The following RIMBP2 variants were observed in gnomAD, a reference collection of about 807,000 sequenced individuals.
RIMBP2 encodes RIMS binding protein 2, also known as RIMS-binding protein 2.
RIMBP2 carries 48 observed loss-of-function variants against 118.6 expected under a neutral mutation model. That is an observed-to-expected ratio of 0.40 (90% CI 0.32 to 0.51). The LOEUF (loss-of-function observed/expected upper bound fraction) is 0.51. RIMBP2 is among the 20% of genes least tolerant of loss of function. The probability of loss-of-function intolerance (pLI) is 0.41; values close to 1 mark genes in which losing one functional copy is unlikely to be tolerated. For synonymous variants in RIMBP2, 762 were observed against 742.9 expected (o/e 1.03, Z -0.42); for missense variants, 1,551 against 1,768.3 (o/e 0.88, Z 2.20).
At chr12:130,531,336 C>T (rs1593672773) in intron 2 of RIMBP2, among the ~76,000 whole-genome samples, 1 of 152,310 alleles carries the variant, frequency 6.6e-6, no homozygotes, top group Non-Finnish European at 1.5e-5. Context: ...CTGCCTCCTC[C>T]CAGCTGAGAG....
intron 2 of RIMBP2, among the ~76,000 whole-genome samples, chr12:130,612,110 C>T (rs1235134429): frequency 6.6e-6 from 1 of 152,072 alleles, no homozygotes; most frequent in African/African-American, 2.4e-5. Flanking sequence ...AGACATCACA[C>T]AGCACAGCTC....
At chr12:130,458,870 C>T (rs958064228) in intron 6 of RIMBP2, among the ~76,000 whole-genome samples, 9 of 152,076 alleles carry the variant, frequency 5.9e-5, no homozygotes, top group Admixed American at 1.3e-4. Flanking sequence ...CATGGTGAAA[C>T]TCAGTCTCTA....
At chr12:130,669,872 T>G (rs2064121767) in intron 1 of RIMBP2, among the ~76,000 whole-genome samples, 1 of 152,192 alleles carries the variant, frequency 6.6e-6, no homozygotes. Flanking sequence ...CAAGTGTCCG[T>G]ACTTGGGATC....
rs576680876 is a variant in RIMBP2 at position 130,503,372 on chromosome 12, G to C, written c.-4+3276C>G. Among the ~76,000 whole-genome samples, 128 of 151,560 alleles carry C rather than the reference G, an allele frequency of 8.4e-4. No individual in the cohort carries two copies. The South Asian group carries it at 0.011, about 14-fold the overall frequency. ...GATCATGCCACTCCACTCCAGCCTG[G>C]GTGACAGAGTAAGACTCCATCTAAA... is the stretch of plus-strand genomic sequence containing the variant. On this transcript the variant is annotated intron_variant, in intron 4 of 22. Transcript: ENST00000690449.
Position 130,675,136 on chromosome 12 carries a change from C to T in RIMBP2, c.-352+41086G>A, listed in dbSNP as rs142142950. Among the ~76,000 whole-genome samples the T allele has an allele frequency of 4.5e-4, 69 of 152,310 alleles. 1 individual carries two copies. The highest frequency in any genetic ancestry group is 1.5e-3 in the African/African-American group (61 of 41,572). On this transcript the variant is annotated intron_variant, in intron 1 of 22. Coordinates refer to ENST00000690449, the MANE Select transcript of RIMBP2 (RefSeq NM_001393629.1). ...GCCGGGACTAGGACCCCAGTTGTCCCGAAGGACCTGTTGGCCGCCAGATAG... is the reference window on the plus strand; with the variant it reads ...GCCGGGACTAGGACCCCAGTTGTCCTGAAGGACCTGTTGGCCGCCAGATAG...
chr12:130,685,367 T>C (rs950524286), intron 1 of RIMBP2, among the ~76,000 whole-genome samples: 3 of 152,056 alleles, frequency 2.0e-5, no homozygotes, highest in African/African-American at 7.2e-5. Context: ...AAATAAATAA[T>C]AAAATTGAAA....
intron 3 of RIMBP2, among the ~76,000 whole-genome samples, chr12:130,516,350 C>T (rs2051458778): frequency 6.6e-6 from 1 of 152,224 alleles, no homozygotes; most frequent in South Asian, 2.1e-4. Flanking sequence ...GTTGACTGAG[C>T]ACCCGCTATG....
chr12:130,713,173 AGAAG>A (rs1197744112), intron 1 of RIMBP2, among the ~76,000 whole-genome samples: 2 of 111,900 alleles, frequency 1.8e-5, no homozygotes, highest in East Asian at 3.1e-4. Context: ...GAGTGAGAGA[AGAAG>A]GAAGGAAGGA....
rs758014031 is a variant in RIMBP2 at position 130,648,805 on chromosome 12, C to T, written c.-351-20349G>A. On this transcript the variant is annotated intron_variant, in intron 1 of 22. Coordinates refer to ENST00000690449, the MANE Select transcript of RIMBP2 (RefSeq NM_001393629.1). Reference sequence around the variant, plus strand: ...CCGAGTAGCTGGGATTACAGGCCTGCACCACCACGCCCAGCTAATTTTGTA... The same window carrying T: ...CCGAGTAGCTGGGATTACAGGCCTGTACCACCACGCCCAGCTAATTTTGTA... Among the ~76,000 whole-genome samples, 13 of 144,844 alleles carry T rather than the reference C, an allele frequency of 9.0e-5. 1 individual carries two copies. Among genetic ancestry groups the T allele is most frequent in the Non-Finnish European group, 1.6e-4 (10 of 64,018 alleles).
intron 17 of RIMBP2, among the ~76,000 whole-genome samples, chr12:130,417,702 C>T (rs1041976084): frequency 6.6e-6 from 1 of 152,236 alleles, no homozygotes; most frequent in Non-Finnish European, 1.5e-5. Flanking sequence ...AACAGACCTG[C>T]ACATGTACCC....
chr12:130,510,163 G>T (rs577682109), intron 3 of RIMBP2, among the ~76,000 whole-genome samples: 1 of 152,192 alleles, frequency 6.6e-6, no homozygotes, highest in Non-Finnish European at 1.5e-5. Flanking sequence ...GCACCGGAAC[G>T]CATTCTCCCA....
At chr12:130,577,805 A>G (rs2058192202) in intron 2 of RIMBP2, among the ~76,000 whole-genome samples, 1 of 152,170 alleles carries the variant, frequency 6.6e-6, no homozygotes, top group Admixed American at 6.6e-5. Flanking sequence ...TTTGAAATTC[A>G]ATCCCTCCCC....
chr12:130,463,347 G>A (rs2080174755), intron 6 of RIMBP2, among the ~76,000 whole-genome samples: 1 of 152,234 alleles, frequency 6.6e-6, no homozygotes, highest in Admixed American at 6.5e-5. Context: ...GCAGGGCACT[G>A]CTCAGAAGCA....
chr12:130,601,304 C>T (rs2059863273), intron 2 of RIMBP2, among the ~76,000 whole-genome samples: 1 of 146,970 alleles, frequency 6.8e-6, no homozygotes, highest in African/African-American at 2.5e-5. Context: ...GGCTGCTCAC[C>T]CACCCTGGGG....
rs138256566 is a variant in RIMBP2 at position 130,581,282 on chromosome 12, G to A, written c.-217+47040C>T. 2.7e-3 allele frequency among the ~76,000 whole-genome samples: 411 copies of A among 150,996 alleles called. 4 individuals are homozygous for A. The highest frequency in any genetic ancestry group is 9.6e-3 in the African/African-American group (392 of 40,638). ...GAGTCAGGTTCAAACACAACAGGGT[G>A]GGGGGCGTGGATCTGGTGAGCTGAA... On this transcript the variant is annotated intron_variant, in intron 2 of 22. Transcript: ENST00000690449. The surrounding 1 kb of genome is among the most constrained non-coding windows in gnomAD (Gnocchi z 4.4).
chr12:130,518,240 T>C (rs56259545), intron 2 of RIMBP2, among the ~76,000 whole-genome samples: 9,420 of 152,264 alleles, frequency 0.062, 392 homozygotes, highest in South Asian at 0.16. Context: ...TGACCCATCC[T>C]TTTTCCCGTG....
chr12:130,679,241 A>G (rs1241510996), intron 1 of RIMBP2, among the ~76,000 whole-genome samples: 1 of 152,216 alleles, frequency 6.6e-6, no homozygotes, highest in Non-Finnish European at 1.5e-5. Context: ...ATTTATCATC[A>G]GGAAAGCTGG....
In RIMBP2 at chr12:130,441,923, G is replaced by A. The variant is rs2078171652; in HGVS notation, c.1429C>T (p.Gln477Ter). The change falls in exon 11 of 23, where the codon CAG becomes TAG. Residue 477 changes from glutamine to a stop codon, truncating the protein, a stop_gained. Transcript: ENST00000690449. LOFTEE classifies it high-confidence loss of function. ...TCCAGCGGGAGCTGCCACGGCATCTGGTGGGGTTTGGCCAGAACCTTCACC... is the reference window on the plus strand; with the variant it reads ...TCCAGCGGGAGCTGCCACGGCATCTAGTGGGGTTTGGCCAGAACCTTCACC... ...YKVKVLAKPH[Q>*]MPWQLPLEQR... The A allele has an allele frequency of 6.2e-7, 1 of 1,613,974 alleles. No homozygotes were observed. The highest frequency in any genetic ancestry group is 8.5e-7 in the Non-Finnish European group (1 of 1,180,038).
At chr12:130,545,432 T>C (rs2055030991) in intron 2 of RIMBP2, among the ~76,000 whole-genome samples, 1 of 152,236 alleles carries the variant, frequency 6.6e-6, no homozygotes, top group Non-Finnish European at 1.5e-5. Context: ...TTATAAAATA[T>C]TGATTTAAAT....
Sources: gnomAD v4.1 joint callset for allele counts (sites outside exome capture counted in the v4.1 genomes callset) on GRCh38, gnomAD v4.1.1 for gene constraint, Gnocchi (gnomAD v3.1) non-coding constraint, MANE v1.5 for transcripts, NCBI Gene and HGNC (gene_info 2026-07-23, HGNC 2026-07-21) for gene names.